The following MCOLN2 variants were observed in gnomAD, a reference collection of about 807,000 sequenced individuals.
MCOLN2 encodes the protein mucolipin-2.
In MCOLN2, 57 loss-of-function variants were observed where a neutral mutation model predicts 67.5. That is an observed-to-expected ratio of 0.84 (90% CI 0.68 to 1.05). The LOEUF (loss-of-function observed/expected upper bound fraction) is 1.05, where lower values mean the gene tolerates loss of function less well. MCOLN2 is among the 50% of genes least tolerant of loss of function. The probability of loss-of-function intolerance (pLI) is 0.00; values close to 1 mark genes in which losing one functional copy is unlikely to be tolerated. For synonymous variants in MCOLN2, 246 were observed against 233.3 expected, an observed-to-expected ratio of 1.05 and a Z score of -0.50; for missense variants, 620 against 678.8, an observed-to-expected ratio of 0.91 and a Z score of 0.96.
At chr1:84,951,440 C>T (rs1570979267) in intron 6 of MCOLN2, among the ~76,000 whole-genome samples, 1 of 152,174 alleles carries the variant, frequency 6.6e-6, no homozygotes, top group Non-Finnish European at 1.5e-5. Context: ...GCTTACTTCC[C>T]CATAAAAGTG....
At chr1:84,971,720 G>A (rs1649700556) in intron 1 of MCOLN2, among the ~76,000 whole-genome samples, 1 of 152,024 alleles carries the variant, frequency 6.6e-6, no homozygotes, top group South Asian at 2.1e-4. Flanking sequence ...ACCTGGCTGG[G>A]GGTTTTACAG....
chr1:84,992,969 T>C (rs1363100125), intron 1 of MCOLN2, among the ~76,000 whole-genome samples: 3 of 152,240 alleles, frequency 2.0e-5, no homozygotes, highest in Admixed American at 6.5e-5. Context: ...TAACTCTTCC[T>C]GTCACAAAAT....
chr1:84,993,212 T>C (rs1455127202), intron 1 of MCOLN2, among the ~76,000 whole-genome samples: 1 of 152,248 alleles, frequency 6.6e-6, no homozygotes, highest in African/African-American at 2.4e-5. Context: ...TCCTCATCCA[T>C]TCTAGTTTGA....
At chr1:84,941,352 C>A (rs1038781644) in intron 7 of MCOLN2, among the ~76,000 whole-genome samples, 1 of 152,070 alleles carries the variant, frequency 6.6e-6, no homozygotes. Context: ...AAAAAATTAG[C>A]CAGGTGTGGT....
At position 84,927,829 on chromosome 1, in the gene MCOLN2, A is replaced by G. The variant is rs183705799; in HGVS notation, c.1665-1108T>C. ...GAGGCGGGGTCTCACTACATTGCCCACGCTGATCTCAAAATCCTGGGCTCA... is the reference window on the plus strand; with the variant it reads ...GAGGCGGGGTCTCACTACATTGCCCGCGCTGATCTCAAAATCCTGGGCTCA... On this transcript the variant is annotated intron_variant, in intron 13 of 13. Transcript: ENST00000370608. Among the ~76,000 whole-genome samples the G allele has an allele frequency of 2.2e-3, 332 of 152,312 alleles. 3 individuals are homozygous for G. Among genetic ancestry groups the G allele is most frequent in the Admixed American group, 4.0e-3 (61 of 15,312 alleles).
In MCOLN2 at chr1:84,947,154, G is replaced by A. The variant is rs749867601; in HGVS notation, c.748-22C>T. ...TAATCTGGAGACACAAATGTATAGC[G>A]AGATTACAACACAGAAGAAAGTATA... On this transcript the variant is annotated intron_variant, in intron 6 of 13. Transcript: ENST00000370608. 52 of 1,157,662 alleles carry A rather than the reference G, an allele frequency of 4.5e-5. 2 individuals are homozygous for A. Among genetic ancestry groups the A allele is most frequent in the South Asian group, 3.8e-4 (31 of 81,008 alleles). The allele number at this position is 1,157,662 out of a possible 1,614,324, so 71.7% of individuals were successfully genotyped here. A position where few individuals can be genotyped will look rare whatever the true frequency, so the allele number is the denominator to read the frequency against.
chr1:84,991,454 G>C (rs1250275363), intron 1 of MCOLN2, among the ~76,000 whole-genome samples: 1 of 152,170 alleles, frequency 6.6e-6, no homozygotes, highest in Non-Finnish European at 1.5e-5. Context: ...AGCCAACTGA[G>C]GTTTTGAGGT....
At chr1:84,940,360 TG>T (rs1647689211) in intron 8 of MCOLN2, among the ~76,000 whole-genome samples, 1 of 152,126 alleles carries the variant, frequency 6.6e-6, no homozygotes, top group African/African-American at 2.4e-5. Flanking sequence ...ATAAGATATG[TG>T]GGGAGCGGAA....
chr1:84,932,964 G>T (rs1167532059), intron 11 of MCOLN2, among the ~76,000 whole-genome samples: 1 of 152,188 alleles, frequency 6.6e-6, no homozygotes, highest in African/African-American at 2.4e-5. Flanking sequence ...AACCAAGAAG[G>T]TTGTGATAAG....
In MCOLN2 at chr1:84,952,438, G is replaced by A; in HGVS notation, c.650+8C>T. On this transcript the variant is annotated splice_region_variant and intron_variant, in intron 5 of 13. Coordinates refer to ENST00000370608, the MANE Select transcript of MCOLN2 (RefSeq NM_153259.4). ...CTCTTAGGGAATAACACTTTAAAAT[G>A]TATTTACCGATAAAATTCCAGTCTG... 3.1e-6 allele frequency: 5 copies of A among 1,604,936 alleles called. No homozygotes were observed. Among genetic ancestry groups the A allele is most frequent in the South Asian group, 1.1e-5 (1 of 90,910 alleles).
intron 6 of MCOLN2, among the ~76,000 whole-genome samples, chr1:84,950,467 A>G (rs1205518133): frequency 2.0e-5 from 3 of 152,320 alleles, no homozygotes; most frequent in South Asian, 2.1e-4. Flanking sequence ...GTTAGGCTAG[A>G]AATTATTTTT....
intron 6 of MCOLN2, 83 bp downstream of exon 6, chr1:84,952,160 G>T: frequency 1.2e-6 from 1 of 824,828 alleles, no homozygotes; most frequent in East Asian, 2.6e-5. Context: ...CACATCTGTA[G>T]GCTGCTGTGT....
At chr1:84,965,135 G>A (rs764760013) in intron 2 of MCOLN2, among the ~76,000 whole-genome samples, 9 of 152,170 alleles carry the variant, frequency 5.9e-5, no homozygotes, top group Non-Finnish European at 1.3e-4. Flanking sequence ...TAGCGCCTGG[G>A]ATCAGTATTT....
chr1:84,926,645 G>A lies in MCOLN2; in HGVS notation c.*40C>T, dbSNP rs370159008. On this transcript the variant is annotated 3_prime_UTR_variant, in exon 14 of 14. Transcript: ENST00000370608. ...TTTGGGGTTCCTCTGCTCAGCCGCT[G>A]GATAAGGATGCCTGAACTTTAATCA... The A allele has an allele frequency of 9.0e-5, 136 of 1,504,380 alleles. No individual in the cohort carries two copies. The highest frequency in any genetic ancestry group is 6.6e-4 in the Admixed American group (36 of 54,200). The allele number at this position is 1,504,380 out of a possible 1,614,324, so 93.2% of individuals were successfully genotyped here.
intron 1 of MCOLN2, among the ~76,000 whole-genome samples, chr1:84,966,161 A>G (rs2102859479): frequency 6.6e-6 from 1 of 152,236 alleles, no homozygotes; most frequent in South Asian, 2.1e-4. Flanking sequence ...CTGAGGCAGG[A>G]GAATTGCTTG....
chr1:84,958,379 G>A, intron 3 of MCOLN2, 150 bp downstream of exon 3: 1 of 555,448 alleles, frequency 1.8e-6, no homozygotes, highest in Non-Finnish European at 3.0e-6. Flanking sequence ...TAGAAATGTA[G>A]CTTCAGAAAT....
chr1:84,937,633 T>C, intron 11 of MCOLN2, 122 bp downstream of exon 11: 2 of 1,485,520 alleles, frequency 1.3e-6, no homozygotes, highest in Non-Finnish European at 1.8e-6. Flanking sequence ...GATACAAAGA[T>C]ATGTGATTAC....
At chr1:84,955,235 C>A (rs1015293074) in intron 4 of MCOLN2, among the ~76,000 whole-genome samples, 1 of 152,186 alleles carries the variant, frequency 6.6e-6, no homozygotes, top group African/African-American at 2.4e-5. Context: ...CCCTGCAGAA[C>A]TGTAAGTCAA....
intron 1 of MCOLN2, among the ~76,000 whole-genome samples, chr1:84,966,258 A>T (rs1649377989): frequency 6.6e-6 from 1 of 152,174 alleles, no homozygotes; most frequent in African/African-American, 2.4e-5. Flanking sequence ...TCTCAAAAAA[A>T]TTAAAATTTA....
Sources: allele counts gnomAD v4.1 joint callset (sites outside exome capture counted in the v4.1 genomes callset), GRCh38; gene constraint gnomAD v4.1.1; transcripts MANE v1.5; gene names NCBI Gene and HGNC (gene_info 2026-07-23, HGNC 2026-07-21).